The following TJP1 variants were observed in gnomAD, a reference collection of about 807,000 sequenced individuals.
The protein encoded by TJP1 is tight junction protein 1.
In TJP1, 43 loss-of-function variants were observed where a neutral mutation model predicts 194.2. The observed-to-expected ratio is 0.22, with a 90% CI of 0.17 to 0.29. The LOEUF (loss-of-function observed/expected upper bound fraction) is 0.29, where lower values mean the gene tolerates loss of function less well. Ranked by LOEUF, TJP1 falls within the 10% of genes least tolerant of loss-of-function variation. TJP1 has a pLI of 1.00. For missense variants in TJP1, 1,971 were observed against 2,185.7 expected (o/e 0.90, Z 1.96); for synonymous variants, 801 against 779.0 (o/e 1.03, Z -0.47).
chr15:29,905,028 A>C (rs2053761284), intron 2 of TJP1, among the ~76,000 whole-genome samples: 1 of 152,220 alleles, frequency 6.6e-6, no homozygotes, highest in Non-Finnish European at 1.5e-5. Flanking sequence ...ACCTTGAGTC[A>C]GATTTTTGGC....
Position 29,822,053 on chromosome 15 carries a change from A to G in TJP1, c.-25T>C, listed in dbSNP as rs1368636397. On this transcript the variant is annotated 5_prime_UTR_variant, in exon 1 of 28. Coordinates refer to ENST00000614355, the MANE Select transcript of TJP1 (RefSeq NM_001330239.4). ...TCTTGTCTCTCTCCAGCGCCGCGCG[A>G]GGCTCCTCGGACCCGAAACTCCGCG... 6.9e-6 allele frequency: 9 copies of G among 1,297,900 alleles called. No homozygotes were observed. Among genetic ancestry groups the G allele is most frequent in the Non-Finnish European group, 7.8e-6 (8 of 1,022,674 alleles). 80.4% of individuals were successfully genotyped at this position (1,297,900 alleles called of 1,614,324 possible).
At chr15:29,960,572 G>C (rs1473165296) in intron 1 of TJP1, among the ~76,000 whole-genome samples, 1 of 150,950 alleles carries the variant, frequency 6.6e-6, no homozygotes, top group South Asian at 2.1e-4. Flanking sequence ...GGACGTCGAG[G>C]TTGCAGCGAA....
intron 2 of TJP1, among the ~76,000 whole-genome samples, chr15:29,793,290 T>C (rs768876949): frequency 6.6e-6 from 1 of 152,190 alleles, no homozygotes; most frequent in African/African-American, 2.4e-5. Flanking sequence ...CTACATCCAG[T>C]TGAGTTTTTA....
At position 29,726,466 on chromosome 15, in the gene TJP1, T is replaced by A. The variant is rs1566905106; in HGVS notation, c.2325A>T (p.Leu775Phe). ...NHHLFTTTIN[L>F]NSMNDGWYGA... ...CATACCAACCATCATTCATTGAATT[T>A]AAGTTAATTGTAGCTGAAAATAAAT... The change falls in exon 18 of 28, where the codon TTA becomes TTT. Residue 775 changes from leucine (L) to phenylalanine (F), a missense_variant. By Grantham distance (22) the Leu-to-Phe change is conservative. Coordinates refer to ENST00000614355, the MANE Select transcript of TJP1 (RefSeq NM_001330239.4). 1 of 1,614,062 alleles carries A rather than the reference T, an allele frequency of 6.2e-7. No individual in the cohort carries two copies. The highest frequency in any genetic ancestry group is 2.2e-5 in the East Asian group (1 of 44,866).
At chr15:29,843,345 A>T (rs1445629212) in intron 2 of TJP1, among the ~76,000 whole-genome samples, 2 of 151,838 alleles carry the variant, frequency 1.3e-5, no homozygotes, top group Non-Finnish European at 2.9e-5. Flanking sequence ...GCCCACCACC[A>T]CACCTGGCTA....
At chr15:29,806,301 G>C (rs1308635740) in intron 1 of TJP1, among the ~76,000 whole-genome samples, 1 of 152,060 alleles carries the variant, frequency 6.6e-6, no homozygotes, top group Non-Finnish European at 1.5e-5. Flanking sequence ...CAGACAATGA[G>C]GATACATGAA....
intron 1 of TJP1, among the ~76,000 whole-genome samples, chr15:29,807,156 T>C (rs1358887415): frequency 6.6e-6 from 1 of 152,134 alleles, no homozygotes; most frequent in East Asian, 1.9e-4. Flanking sequence ...AAACAAATGA[T>C]GAGATGGATA....
At chr15:29,758,861 T>A (rs966775936) in intron 8 of TJP1, 6 of 152,180 alleles carry the variant, frequency 3.9e-5, no homozygotes, top group Non-Finnish European at 5.9e-5. Flanking sequence ...CTTTAAAAAA[T>A]CATTACATCC....
chr15:29,823,390 C>G (rs189162261), upstream of TJP1: 5 of 152,140 alleles, frequency 3.3e-5, no homozygotes, highest in Admixed American at 2.6e-4. Context: ...ATCCTAGACT[C>G]ACTAATCTAC....
intron 2 of TJP1, among the ~76,000 whole-genome samples, chr15:29,863,646 A>G (rs1265687486): frequency 6.6e-6 from 1 of 152,142 alleles, no homozygotes; most frequent in Non-Finnish European, 1.5e-5. Flanking sequence ...ACCTACGCCT[A>G]AACTAAGGCA....
chr15:29,784,142 T>C (rs987065899), intron 2 of TJP1, among the ~76,000 whole-genome samples: 1 of 152,000 alleles, frequency 6.6e-6, no homozygotes, highest in Non-Finnish European at 1.5e-5. Flanking sequence ...CAAAAAAAAC[T>C]TCGCTGATAC....
At chr15:29,965,182 C>A (rs2152326003) in intron 1 of TJP1, among the ~76,000 whole-genome samples, 1 of 131,006 alleles carries the variant, frequency 7.6e-6, no homozygotes, top group African/African-American at 2.9e-5. Context: ...ATAATACATC[C>A]TCACATTTAT....
chr15:29,843,071 T>C (rs1181430279), intron 2 of TJP1, among the ~76,000 whole-genome samples: 1 of 152,192 alleles, frequency 6.6e-6, no homozygotes, highest in Admixed American at 6.5e-5. Flanking sequence ...TGAGTAAAAA[T>C]GCTCATTTTG....
chr15:29,962,288 T>C lies in TJP1; in HGVS notation c.174-5924A>G, dbSNP rs527282408. Among the ~76,000 whole-genome samples, 26 of 152,316 alleles carry C rather than the reference T, an allele frequency of 1.7e-4. No individual in the cohort carries two copies. In the South Asian group the frequency reaches 2.9e-3, roughly 17 times the overall value. ...AGGAAGCCTCAGATATTCATGCCTT[T>C]TGTTTCCAACTCAGGAGCTTTGGCT... On this transcript the variant is annotated intron_variant, in intron 1 of 28. Transcript: ENST00000356107.
intron 4 of TJP1, among the ~76,000 whole-genome samples, chr15:29,771,286 T>C (rs1419129268): frequency 6.6e-6 from 1 of 152,220 alleles, no homozygotes; most frequent in Non-Finnish European, 1.5e-5. Context: ...TGGCATAGCC[T>C]ATTGCTCCTC....
At chr15:29,844,407 G>C (rs1238686918) in intron 2 of TJP1, among the ~76,000 whole-genome samples, 1 of 152,146 alleles carries the variant, frequency 6.6e-6, no homozygotes, top group Non-Finnish European at 1.5e-5. Flanking sequence ...CTGCTGTGCA[G>C]AGAAGGAAGG....
intron 2 of TJP1, among the ~76,000 whole-genome samples, chr15:29,914,886 A>G (rs962869674): frequency 1.3e-5 from 2 of 152,034 alleles, no homozygotes; most frequent in African/African-American, 2.4e-5. Context: ...ACGCACGCAC[A>G]CACATGCATG....
chr15:29,794,356 T>A (rs2048277928), intron 2 of TJP1, among the ~76,000 whole-genome samples: 1 of 152,154 alleles, frequency 6.6e-6, no homozygotes, highest in Non-Finnish European at 1.5e-5. Context: ...TCTCAATGTA[T>A]CTTCTGATGA....
intron 10 of TJP1, among the ~76,000 whole-genome samples, chr15:29,739,726 T>C (rs935397835): frequency 6.6e-6 from 1 of 152,096 alleles, no homozygotes; most frequent in Admixed American, 6.6e-5. Flanking sequence ...ATTACAGGCA[T>C]GAGCCACTGC....
Sources: allele counts gnomAD v4.1 joint callset (sites outside exome capture counted in the v4.1 genomes callset), GRCh38; gene constraint gnomAD v4.1.1; transcripts MANE v1.5; gene names NCBI Gene and HGNC (gene_info 2026-07-23, HGNC 2026-07-21).